The following GABRG3 variants were observed in gnomAD, a reference collection of about 807,000 sequenced individuals.
GABRG3 encodes the protein gamma-aminobutyric acid receptor subunit gamma-3.
In GABRG3, 25 loss-of-function variants were observed where a neutral mutation model predicts 48.8. The observed-to-expected ratio is 0.51, with a 90% CI of 0.37 to 0.72. The LOEUF (loss-of-function observed/expected upper bound fraction) is 0.72. Ranked by LOEUF, GABRG3 falls within the 30% of genes least tolerant of loss-of-function variation. The pLI is 0.00. For synonymous variants in GABRG3, 227 were observed against 217.6 expected (o/e 1.04, Z -0.38); for missense variants, 394 against 577.9 (o/e 0.68, Z 3.26).
chr15:27,108,900 T>C (rs1897496603), intron 3 of GABRG3, among the ~76,000 whole-genome samples: 1 of 152,146 alleles, frequency 6.6e-6, no homozygotes, highest in Admixed American at 6.5e-5. Context: ...CCAACTTTCC[T>C]TTGATTAAAG....
chr15:27,052,060 C>T (rs959344111), intron 3 of GABRG3, among the ~76,000 whole-genome samples: 2 of 152,176 alleles, frequency 1.3e-5, no homozygotes, highest in African/African-American at 4.8e-5. Context: ...TTCTCTTGCT[C>T]GCCCGCCTCT....
chr15:27,098,250 A>G (rs1261479385), intron 3 of GABRG3, among the ~76,000 whole-genome samples: 3 of 152,138 alleles, frequency 2.0e-5, no homozygotes, highest in Non-Finnish European at 2.9e-5. Flanking sequence ...CCTGACCAAC[A>G]TGGTGAAACA....
In GABRG3 at chr15:27,308,182, AAAC is replaced by A. The variant is rs1892769354; in HGVS notation, c.271-18625_271-18623del. Among the ~76,000 whole-genome samples, 3 of 76,198 alleles carry A rather than the reference AAAC, an allele frequency of 3.9e-5. 1 individual carries two copies. Among genetic ancestry groups the A allele is most frequent in the Non-Finnish European group, 8.6e-5 (3 of 34,810 alleles). The allele number at this position is 76,198 out of a possible 152,430, so 50.0% of individuals were successfully genotyped here. A position where few individuals can be genotyped will look rare whatever the true frequency, so the allele number is the denominator to read the frequency against. ...TATAAACATATATGTTTATATATCC[AAAC>A]ATATATAAACATGTTTATATATCCA... On this transcript the variant is annotated intron_variant, in intron 3 of 9. Transcript: ENST00000615808.
chr15:27,508,750 A>G (rs1175812542), intron 6 of GABRG3, among the ~76,000 whole-genome samples: 1 of 151,658 alleles, frequency 6.6e-6, no homozygotes, highest in African/African-American at 2.4e-5. Flanking sequence ...GTCTCGCTCC[A>G]TCACCCAGGC....
At chr15:27,228,389 A>T (rs968300218) in intron 3 of GABRG3, among the ~76,000 whole-genome samples, 6 of 152,230 alleles carry the variant, frequency 3.9e-5, no homozygotes, top group African/African-American at 1.4e-4. Flanking sequence ...CGCAAAAGAC[A>T]TGTTCTCATT....
chr15:27,129,326 T>G (rs975754134), intron 3 of GABRG3, among the ~76,000 whole-genome samples: 13 of 152,238 alleles, frequency 8.5e-5, no homozygotes, highest in African/African-American at 3.1e-4. Flanking sequence ...CTTTTGCTAC[T>G]GTTTAATTAC....
At chr15:27,405,837 C>A (rs928015204) in intron 5 of GABRG3, among the ~76,000 whole-genome samples, 11 of 148,360 alleles carry the variant, frequency 7.4e-5, no homozygotes, top group Admixed American at 2.0e-4. Flanking sequence ...TAAGAAATGG[C>A]TGATTCTAGG....
intron 7 of GABRG3, among the ~76,000 whole-genome samples, chr15:27,525,179 G>GAA (rs1555389231): frequency 9.9e-6 from 1 of 101,380 alleles, no homozygotes; most frequent in Non-Finnish European, 2.1e-5. Flanking sequence ...TGTGCTGAAT[G>GAA]AAAAAAAAAC....
Position 27,403,921 on chromosome 15 carries a change from AAAAAAAAC to A in GABRG3, c.574+75041_574+75048del, listed in dbSNP as rs1887550601. 4.6e-5 allele frequency among the ~76,000 whole-genome samples: 6 copies of A among 130,840 alleles called. 1 individual carries two copies. The highest frequency in any genetic ancestry group is 2.2e-4 in the African/African-American group (6 of 27,478). 85.8% of individuals were successfully genotyped at this position (130,840 alleles called of 152,430 possible). A position where few individuals can be genotyped will look rare whatever the true frequency, so the allele number is the denominator to read the frequency against. ...GCCAGACTCAAAAAAAAACAAAAAA[AAAAAAAAC>A]AAAAAAAAAAAACCGGGCTTGGTAG... On this transcript the variant is annotated intron_variant, in intron 5 of 9. Coordinates refer to ENST00000615808, the MANE Select transcript of GABRG3 (RefSeq NM_033223.5).
intron 3 of GABRG3, among the ~76,000 whole-genome samples, chr15:27,039,332 C>T (rs975421429): frequency 6.6e-6 from 1 of 152,212 alleles, no homozygotes; most frequent in East Asian, 1.9e-4. Flanking sequence ...GGATGTGGAG[C>T]TAGACTGAGC....
chr15:27,133,396 A>C (rs1897954814), intron 3 of GABRG3, among the ~76,000 whole-genome samples: 3 of 152,092 alleles, frequency 2.0e-5, no homozygotes, highest in Non-Finnish European at 4.4e-5. Flanking sequence ...GGAGACTCCC[A>C]CTCCTGTGTG....
At chr15:27,058,931 A>G (rs1468584009) in intron 3 of GABRG3, among the ~76,000 whole-genome samples, 2 of 152,194 alleles carry the variant, frequency 1.3e-5, no homozygotes, top group Non-Finnish European at 1.5e-5. Flanking sequence ...CCATTAATGA[A>G]CCCTATACAC....
chr15:27,359,211 C>T (rs1382772056), intron 5 of GABRG3, among the ~76,000 whole-genome samples: 1 of 152,206 alleles, frequency 6.6e-6, no homozygotes, highest in Non-Finnish European at 1.5e-5. Context: ...TGCCTGAGGC[C>T]GGGTGGGAAG....
intron 3 of GABRG3, among the ~76,000 whole-genome samples, chr15:27,060,068 A>G (rs899863307): frequency 6.6e-6 from 1 of 152,266 alleles, no homozygotes; most frequent in African/African-American, 2.4e-5. Context: ...GAAAAATGGC[A>G]ACTACATTAT....
chr15:27,351,879 TATG>T (rs1167877297), intron 5 of GABRG3, among the ~76,000 whole-genome samples: 3 of 150,284 alleles, frequency 2.0e-5, no homozygotes, highest in Admixed American at 6.6e-5. Flanking sequence ...TGTGCGTATG[TATG>T]ATGTGTGTGT....
chr15:27,480,168 A>G (rs897391114), intron 5 of GABRG3, among the ~76,000 whole-genome samples: 4 of 152,264 alleles, frequency 2.6e-5, no homozygotes, highest in African/African-American at 7.2e-5. Flanking sequence ...GAAGACTGAT[A>G]GGAGAAAGGG....
chr15:27,053,373 C>T (rs971877942), intron 3 of GABRG3, among the ~76,000 whole-genome samples: 4 of 152,168 alleles, frequency 2.6e-5, no homozygotes, highest in Non-Finnish European at 4.4e-5. Flanking sequence ...AAGTGACCAA[C>T]AAATGAAAAA....
intron 3 of GABRG3, among the ~76,000 whole-genome samples, chr15:27,110,685 A>G (rs1233486417): frequency 6.6e-6 from 1 of 151,784 alleles, no homozygotes; most frequent in Non-Finnish European, 1.5e-5. Flanking sequence ...TTCTTTGAAC[A>G]ATTTAAATAT....
chr15:27,528,059 G>A, intron 9 of GABRG3, 67 bp downstream of exon 9: 1 of 1,188,248 alleles, frequency 8.4e-7, no homozygotes. Context: ...GCATTTGAAA[G>A]ATAGATTGCT....
Sources: gnomAD v4.1 joint callset for allele counts (sites outside exome capture counted in the v4.1 genomes callset) on GRCh38, gnomAD v4.1.1 for gene constraint, MANE v1.5 for transcripts, NCBI Gene and HGNC (gene_info 2026-07-23, HGNC 2026-07-21) for gene names.